Variants in DMD observed in about 807,000 individuals in gnomAD.
DMD encodes the protein dystrophin, also known as mutant dystrophin.
In DMD, 63 loss-of-function variants were observed where a neutral mutation model predicts 330.1. The ratio of observed to expected loss-of-function variants is 0.19; its 90% CI spans 0.16 to 0.24. The LOEUF is 0.24. Among genes scored for constraint, DMD ranks in the 10% least tolerant of loss-of-function variants. The pLI is 1.00. For synonymous variants in DMD, 1,223 were observed against 959.8 expected (o/e 1.27, Z -5.07); for missense variants, 3,344 against 2,684.1 (o/e 1.25, Z -5.43).
intron 9 of DMD, among the ~76,000 whole-genome samples, chrX:32,676,088 G>GT (rs2061948899): frequency 9.0e-6 from 1 of 111,523 alleles, no homozygotes; most frequent in African/African-American, 3.2e-5. Flanking sequence ...GTTGTTTTTA[G>GT]TTGACAGAGT....
chrX:31,903,184 G>A (rs1457401185), intron 47 of DMD, among the ~76,000 whole-genome samples: 2 of 111,632 alleles, frequency 1.8e-5, no homozygotes, highest in Non-Finnish European at 3.8e-5. Context: ...ACTTCAACCT[G>A]TACTCAATAT....
At chrX:32,605,185 C>G (rs2056584759) in intron 12 of DMD, among the ~76,000 whole-genome samples, 3 of 110,982 alleles carry the variant, frequency 2.7e-5, no homozygotes, top group Non-Finnish European at 3.8e-5. Flanking sequence ...CAGTATGGTA[C>G]TGGTATAAAA....
At chrX:31,817,445 T>C (rs1961459680) in intron 50 of DMD, among the ~76,000 whole-genome samples, 1 of 111,569 alleles carries the variant, frequency 9.0e-6, no homozygotes, top group African/African-American at 3.3e-5. Context: ...TAAAAGCAGC[T>C]CTGAATTTAA....
intron 64 of DMD, among the ~76,000 whole-genome samples, chrX:31,217,994 A>T (rs1322592196): frequency 8.9e-6 from 1 of 112,020 alleles, no homozygotes. Flanking sequence ...CCTTTATTAC[A>T]AGGTTATCAC....
chrX:32,628,627 T>C (rs903405333), intron 11 of DMD, among the ~76,000 whole-genome samples: 1 of 110,541 alleles, frequency 9.0e-6, no homozygotes, highest in Non-Finnish European at 1.9e-5. Context: ...TTGAAAGTTC[T>C]TCTGCTTTTT....
At chrX:32,125,350 G>GA (rs1206593072) in intron 44 of DMD, among the ~76,000 whole-genome samples, 5 of 110,997 alleles carry the variant, frequency 4.5e-5, no homozygotes, top group South Asian at 3.8e-4. Context: ...GAAGAGTGAG[G>GA]AAAAAAAATC....
intron 44 of DMD, among the ~76,000 whole-genome samples, chrX:32,126,030 G>A (rs1388810017): frequency 3.6e-5 from 4 of 111,874 alleles, no homozygotes; most frequent in Non-Finnish European, 5.6e-5. Flanking sequence ...GCTCTATTTT[G>A]TGTAATCCCC....
intron 1 of DMD, among the ~76,000 whole-genome samples, chrX:33,327,443 G>C (rs1214768910): frequency 1.8e-5 from 2 of 111,812 alleles, no homozygotes; most frequent in African/African-American, 6.5e-5. Flanking sequence ...GTCTCTAAAT[G>C]CAAGAAAAGT....
At chrX:33,237,025 T>C (rs1603423215) in intron 1 of DMD, among the ~76,000 whole-genome samples, 1 of 111,537 alleles carries the variant, frequency 9.0e-6, no homozygotes, top group Non-Finnish European at 1.9e-5. Context: ...CCCAGACTAC[T>C]TTGAAGTAAG....
chrX:31,413,603 G>A lies in DMD; in HGVS notation c.9084+30878C>T, dbSNP rs146226611. On this transcript the variant is annotated intron_variant, in intron 60 of 78. Coordinates refer to ENST00000357033, the MANE Select transcript of DMD (RefSeq NM_004006.3). The stretch of plus-strand genomic sequence containing the variant: ...CCACTTTTAGGGGGCACTATTTATG[G>A]AGGGTTGTGAAATGAAGTAGAACTG... 1.6e-4 allele frequency among the ~76,000 whole-genome samples: 18 copies of A among 112,064 alleles called. No homozygotes were observed. The East Asian group carries it at 3.9e-3, about 24-fold the overall frequency.
intron 59 of DMD, among the ~76,000 whole-genome samples, chrX:31,452,662 T>C (rs777769797): frequency 8.9e-6 from 1 of 112,513 alleles, no homozygotes; most frequent in African/African-American, 3.2e-5. Flanking sequence ...AGGATAACTT[T>C]TTCTTTTTAA....
chrX:31,408,179 C>T (rs2061487277), intron 60 of DMD, among the ~76,000 whole-genome samples: 2 of 111,482 alleles, frequency 1.8e-5, no homozygotes, highest in Admixed American at 1.9e-4. Context: ...CAATGACAGG[C>T]ATTTATAAGA....
chrX:31,628,705 T>G (rs1484634264), intron 54 of DMD, among the ~76,000 whole-genome samples: 1 of 110,350 alleles, frequency 9.1e-6, no homozygotes, highest in Non-Finnish European at 1.9e-5. Flanking sequence ...TCTCAGTTTC[T>G]CATCTGCAAT....
chrX:32,093,333 T>C (rs184557710), intron 44 of DMD, among the ~76,000 whole-genome samples: 15 of 112,077 alleles, frequency 1.3e-4, no homozygotes, highest in Non-Finnish European at 2.6e-4. Context: ...CAAAGCTATC[T>C]CTTCAAAGAT....
At chrX:31,674,216 C>T (rs994912512) in intron 53 of DMD, among the ~76,000 whole-genome samples, 1 of 112,012 alleles carries the variant, frequency 8.9e-6, no homozygotes, top group Non-Finnish European at 1.9e-5. Flanking sequence ...TGCCATCGAT[C>T]CTTCCACAGA....
intron 33 of DMD, among the ~76,000 whole-genome samples, chrX:32,383,824 T>C (rs2097940913): frequency 9.1e-6 from 1 of 110,002 alleles, no homozygotes; most frequent in Non-Finnish European, 1.9e-5. Context: ...CTATTATTCG[T>C]CTAATGTCAC....
intron 35 of DMD, 63 bp from the exon 36 acceptor site, chrX:32,364,773 C>A: frequency 8.8e-7 from 1 of 1,138,027 alleles, no homozygotes; most frequent in Non-Finnish European, 1.2e-6. Context: ...AGAATTTTTC[C>A]TATGTTCTAA....
chrX:33,217,276 T>C, intron 1 of DMD, among the ~76,000 whole-genome samples: 1 of 111,253 alleles, frequency 9.0e-6, no homozygotes, highest in Non-Finnish European at 1.9e-5. Flanking sequence ...ATAAGACAAA[T>C]AGAATTCAAG....
At chrX:32,350,113 A>C (rs1261379129) in intron 37 of DMD, among the ~76,000 whole-genome samples, 1 of 111,477 alleles carries the variant, frequency 9.0e-6, no homozygotes, top group Non-Finnish European at 1.9e-5. Context: ...TAATGTTGAA[A>C]ATAACTTTTA....
Sources: allele counts gnomAD v4.1 joint callset (sites outside exome capture counted in the v4.1 genomes callset), GRCh38; gene constraint gnomAD v4.1.1; transcripts MANE v1.5; gene names NCBI Gene and HGNC (gene_info 2026-07-23, HGNC 2026-07-21).